ABLIM1: variants seen among roughly 807,000 people sequenced by gnomAD.
ABLIM1 encodes actin binding LIM protein 1, also known as actin-binding LIM protein 1.
Under a neutral mutation model 107.0 loss-of-function variants are expected in ABLIM1, and 40 were observed. The ratio of observed to expected loss-of-function variants is 0.37; its 90% CI spans 0.29 to 0.49. The LOEUF (loss-of-function observed/expected upper bound fraction) is 0.49. ABLIM1 is among the 20% of genes least tolerant of loss of function. The pLI is 0.97. For synonymous variants in ABLIM1, 357 were observed against 357.3 expected, an observed-to-expected ratio of 1.00 and a Z score of 0.01; for missense variants, 857 against 1,008.5, an observed-to-expected ratio of 0.85 and a Z score of 2.04.
Position 114,456,066 on chromosome 10 carries a change from G to A in ABLIM1, c.1442-2583C>T, listed in dbSNP as rs538978578. 1.3e-4 allele frequency among the ~76,000 whole-genome samples: 19 copies of A among 151,710 alleles called. No individual in the cohort carries two copies. The East Asian group carries it at 2.1e-3, about 17-fold the overall frequency. Reference sequence around the variant, plus strand: ...CCTGACCTCGTGATCCACCCGCCTCGGCCTCCCAAAGTGCTAGGATTACAG... The same window carrying A: ...CCTGACCTCGTGATCCACCCGCCTCAGCCTCCCAAAGTGCTAGGATTACAG... On this transcript the variant is annotated intron_variant, in intron 12 of 22. Coordinates refer to ENST00000533213, the MANE Select transcript of ABLIM1 (RefSeq NM_002313.7).
At chr10:114,572,547 C>T (rs2497745) in intron 3 of ABLIM1, among the ~76,000 whole-genome samples, 1,993 of 152,302 alleles carry the variant, frequency 0.013, 34 homozygotes, top group African/African-American at 0.046. Flanking sequence ...ACTTGTGATG[C>T]TGTGTCACTT....
rs183656564 is a variant in ABLIM1, at chr10:114,569,014, A to G, written c.673+2283T>C. On this transcript the variant is annotated intron_variant, in intron 4 of 22. Transcript: ENST00000533213. ...CAGAGAGGGTTGGAAGCCTTAAAAG[A>G]TATCATGCTTCTATATCTTAAACCA... 2.4e-4 allele frequency among the ~76,000 whole-genome samples: 36 copies of G among 152,318 alleles called. 1 individual carries two copies. The highest frequency in any genetic ancestry group is 3.4e-3 in the Middle Eastern group (1 of 294).
chr10:114,487,472 GT>G, intron 8 of ABLIM1, among the ~76,000 whole-genome samples: 1 of 152,172 alleles, frequency 6.6e-6, no homozygotes, highest in Non-Finnish European at 1.5e-5. Flanking sequence ...GTCTTGGTTG[GT>G]TATTATTTTC....
chr10:114,458,264 T>A (rs963453701), intron 12 of ABLIM1, among the ~76,000 whole-genome samples: 8 of 152,202 alleles, frequency 5.3e-5, no homozygotes, highest in African/African-American at 1.7e-4. Flanking sequence ...ATGTTTCTAT[T>A]TCTATTTCTT....
chr10:114,779,065 T>A, the ABLIM1 span: 1 of 152,166 alleles, frequency 6.6e-6, no homozygotes, highest in South Asian at 2.1e-4. Flanking sequence ...CATTGATTTT[T>A]TAAAAAATAC....
intron 1 of ABLIM1, among the ~76,000 whole-genome samples, chr10:114,702,801 A>G (rs2081334385): frequency 6.6e-6 from 1 of 152,082 alleles, no homozygotes; most frequent in Non-Finnish European, 1.5e-5. Context: ...GCGTGAGCCA[A>G]TATTTTTTAA....
intron 1 of ABLIM1, among the ~76,000 whole-genome samples, chr10:114,723,443 C>T (rs2081892705): frequency 6.6e-6 from 1 of 152,182 alleles, no homozygotes; most frequent in Non-Finnish European, 1.5e-5. Flanking sequence ...AAAGCATGGG[C>T]TACTACCTTG....
At position 114,435,518 on chromosome 10, in the gene ABLIM1, C is replaced by T. The variant is rs1269883420; in HGVS notation, c.*742G>A. On this transcript the variant is annotated 3_prime_UTR_variant, in exon 23 of 23. Transcript: ENST00000533213. ...AGGCGGGGAGCAGGAACCAGACCTG[C>T]TATGGGAAGCAGAAAGAGTTAAGGG... 2 of 152,208 alleles carry T rather than the reference C, an allele frequency of 1.3e-5. No individual in the cohort carries two copies. 9.4% of individuals were successfully genotyped at this position (152,208 alleles called of 1,614,324 possible).
At chr10:114,597,467 A>C (rs2075535913) in intron 2 of ABLIM1, among the ~76,000 whole-genome samples, 1 of 151,990 alleles carries the variant, frequency 6.6e-6, no homozygotes, top group African/African-American at 2.4e-5. Context: ...AAGAAATGAA[A>C]GAAGGAAATG....
chr10:114,442,090 T>C (rs1002934525), intron 17 of ABLIM1, among the ~76,000 whole-genome samples: 1 of 152,208 alleles, frequency 6.6e-6, no homozygotes, highest in Admixed American at 6.5e-5. Context: ...ATCTTCAATA[T>C]AACCCTAATA....
intron 1 of ABLIM1, among the ~76,000 whole-genome samples, chr10:114,673,256 T>TAAAAA (rs10712808): frequency 7.7e-6 from 1 of 130,164 alleles, no homozygotes; most frequent in African/African-American, 2.9e-5. Context: ...AGACTCCAGC[T>TAAAAA]AAAAAAAAAA....
chr10:114,712,592 T>G (rs1350020904), intron 1 of ABLIM1, among the ~76,000 whole-genome samples: 16 of 152,192 alleles, frequency 1.1e-4, no homozygotes, highest in Non-Finnish European at 1.5e-5. Context: ...CCCGAAGCCA[T>G]GCTGGCTTTC....
At chr10:114,483,897 A>G (rs2057770359) in intron 8 of ABLIM1, among the ~76,000 whole-genome samples, 1 of 152,152 alleles carries the variant, frequency 6.6e-6, no homozygotes, top group Non-Finnish European at 1.5e-5. Context: ...ACTGATTCTC[A>G]GAGACCCCTA....
At chr10:114,768,273 G>T (rs963938003), upstream of ABLIM1, among the ~76,000 whole-genome samples, 2 of 146,652 alleles carry the variant, frequency 1.4e-5, no homozygotes, top group Non-Finnish European at 3.0e-5. Context: ...GGACCCGCCG[G>T]GCGCGGCAGC....
intron 1 of ABLIM1, among the ~76,000 whole-genome samples, chr10:114,709,135 G>A (rs1000177284): frequency 7.2e-5 from 11 of 152,146 alleles, no homozygotes; most frequent in Non-Finnish European, 1.5e-4. Context: ...ATGATTTCTA[G>A]AAACTTTTAC....
intron 6 of ABLIM1, among the ~76,000 whole-genome samples, chr10:114,509,692 C>G (rs138648122): frequency 6.6e-6 from 1 of 152,214 alleles, no homozygotes; most frequent in African/African-American, 2.4e-5. Flanking sequence ...ATCTACCTGT[C>G]CAGTTTCATT....
At chr10:114,609,006 CA>C (rs111238539) in intron 1 of ABLIM1, among the ~76,000 whole-genome samples, 412 of 133,268 alleles carry the variant, frequency 3.1e-3, no homozygotes, top group Middle Eastern at 7.5e-3. Flanking sequence ...GACTCTGCCT[CA>C]AAAAAAAAAA....
chr10:114,779,173 T>C, the ABLIM1 span: 1 of 152,204 alleles, frequency 6.6e-6, no homozygotes, highest in Admixed American at 6.5e-5. Context: ...CCTTAATCAG[T>C]AATACTAGCT....
At position 114,469,077 on chromosome 10, in the gene ABLIM1, C is replaced by CCATGACTA. The variant is rs780366784; in HGVS notation, c.1276-869_1276-862dup. Among the ~76,000 whole-genome samples, 333 of 145,434 alleles carry CCATGACTA rather than the reference C, an allele frequency of 2.3e-3. 2 individuals carry two copies. The highest frequency in any genetic ancestry group is 4.4e-3 in the Non-Finnish European group (290 of 66,506). On this transcript the variant is annotated intron_variant, in intron 10 of 22. Transcript: ENST00000533213. ...AAAAAAAAAAAAAAAAAAAAAAGAA[C>CCATGACTA]CATGACTAGATATGATTGTGATACA...
Sources: allele counts gnomAD v4.1 joint callset (sites outside exome capture counted in the v4.1 genomes callset), GRCh38; gene constraint gnomAD v4.1.1; transcripts MANE v1.5; gene names NCBI Gene and HGNC (gene_info 2026-07-23, HGNC 2026-07-21).